Variants in AIG1 observed in about 807,000 individuals in gnomAD.
AIG1 encodes the protein androgen-induced gene 1 protein.
In AIG1, 23 loss-of-function variants were observed where a neutral mutation model predicts 31.4. The ratio of observed to expected loss-of-function variants is 0.73; its 90% CI spans 0.53 to 1.04. The LOEUF (loss-of-function observed/expected upper bound fraction) is 1.04, where lower values mean the gene tolerates loss of function less well. Among genes scored for constraint, AIG1 ranks in the 50% least tolerant of loss-of-function variants. AIG1 has a pLI of 0.00. For missense variants in AIG1, 274 were observed against 295.0 expected, an observed-to-expected ratio of 0.93 and a Z score of 0.52; for synonymous variants, 100 against 110.5, an observed-to-expected ratio of 0.90 and a Z score of 0.60.
At chr6:143,148,065 T>A (rs1470928860) in intron 2 of AIG1, among the ~76,000 whole-genome samples, 1 of 152,210 alleles carries the variant, frequency 6.6e-6, no homozygotes, top group African/African-American at 2.4e-5. Flanking sequence ...AAGTAAATGA[T>A]GCTGGTAAAT....
chr6:143,060,826 C>G (rs1236092117), upstream of AIG1: 1 of 457,756 alleles, frequency 2.2e-6, no homozygotes, highest in Non-Finnish European at 2.8e-6. Flanking sequence ...CCCGCGCCCG[C>G]GCCCGCGCCC....
Position 143,333,580 on chromosome 6 carries a change from TA to T in AIG1, c.679+139del. On this transcript the variant is annotated intron_variant, in intron 5 of 5. Coordinates refer to ENST00000357847, the MANE Select transcript of AIG1 (RefSeq NM_016108.4). This position sits in a 1 kb window ranked among gnomAD's most constrained non-coding sequence, Gnocchi z 4.6. ...GATCTCCTATAAAGAGCTCCATTTT[TA>T]AAACTACAATATGAATTTAAGAGCT... 2.4e-6 allele frequency: 2 copies of T among 831,018 alleles called. No homozygotes were observed. Among genetic ancestry groups the T allele is most frequent in the Non-Finnish European group, 3.4e-6 (2 of 583,324 alleles). The allele number at this position is 831,018 out of a possible 1,614,324, so 51.5% of individuals were successfully genotyped here.
chr6:143,204,087 T>C (rs1165985585), intron 3 of AIG1, among the ~76,000 whole-genome samples: 2 of 152,138 alleles, frequency 1.3e-5, no homozygotes, highest in African/African-American at 4.8e-5. Flanking sequence ...AGTTTAAAAA[T>C]GCAAAACTAA....
At chr6:143,224,657 C>T (rs762356861) in intron 3 of AIG1, among the ~76,000 whole-genome samples, 3 of 152,164 alleles carry the variant, frequency 2.0e-5, no homozygotes, top group Non-Finnish European at 4.4e-5. Flanking sequence ...TGTGTTCATT[C>T]TACGTGTTTA....
chr6:143,119,404 A>G (rs948040842), intron 1 of AIG1, among the ~76,000 whole-genome samples: 1 of 152,212 alleles, frequency 6.6e-6, no homozygotes, highest in African/African-American at 2.4e-5. Flanking sequence ...GGTAGGGGGA[A>G]TAAAGTCCAC....
intron 3 of AIG1, among the ~76,000 whole-genome samples, chr6:143,261,347 G>A (rs1795768278): frequency 1.3e-5 from 2 of 152,118 alleles, no homozygotes; most frequent in Non-Finnish European, 2.9e-5. Context: ...GACCAAGCTG[G>A]TCTCGAACTC....
intron 3 of AIG1, among the ~76,000 whole-genome samples, chr6:143,239,959 A>G (rs527970059): frequency 5.9e-5 from 9 of 152,384 alleles, no homozygotes; most frequent in African/African-American, 1.4e-4. Flanking sequence ...TGTATTTAAC[A>G]CTAGAGGTTC....
chr6:143,194,326 T>C (rs1790045157), intron 3 of AIG1, among the ~76,000 whole-genome samples: 1 of 152,150 alleles, frequency 6.6e-6, no homozygotes, highest in Admixed American at 6.5e-5. Flanking sequence ...ACTCACTCAC[T>C]ATCACGAGAA....
intron 1 of AIG1, among the ~76,000 whole-genome samples, chr6:143,100,252 A>T (rs1780133739): frequency 6.6e-6 from 1 of 152,202 alleles, no homozygotes; most frequent in Non-Finnish European, 1.5e-5. Context: ...CGTAAGATTT[A>T]CATGAAGAGG....
rs35498304 is a variant in AIG1 at position 143,331,846 on chromosome 6, T to TTTATTA, written c.516-1400_516-1395dup. Among the ~76,000 whole-genome samples, 15,099 of 137,510 alleles carry TTTATTA rather than the reference T, an allele frequency of 0.11. 1,030 individuals carry two copies. Among genetic ancestry groups the TTTATTA allele is most frequent in the East Asian group, 0.22 (1,023 of 4,596 alleles). 90.2% of individuals were successfully genotyped at this position (137,510 alleles called of 152,430 possible). ...AAATGAGGTACATGTGTAGGTAATG[T>TTTATTA]TTATTATTATTATTATTATTATTAT... On this transcript the variant is annotated intron_variant, in intron 4 of 5. Coordinates refer to ENST00000357847, the MANE Select transcript of AIG1 (RefSeq NM_016108.4). The surrounding 1 kb of genome is among the most constrained non-coding windows in gnomAD (Gnocchi z 4.1).
At chr6:143,343,556 C>T (rs1777899067), downstream of AIG1, among the ~76,000 whole-genome samples, 1 of 151,886 alleles carries the variant, frequency 6.6e-6, no homozygotes, top group South Asian at 2.1e-4. Flanking sequence ...GTGAAAATGA[C>T]ATAGTTGTGA....
At chr6:143,073,795 A>G (rs1209020352) in intron 1 of AIG1, among the ~76,000 whole-genome samples, 1 of 152,234 alleles carries the variant, frequency 6.6e-6, no homozygotes, top group African/African-American at 2.4e-5. Context: ...GAGTGAGAGA[A>G]TTAAGTGCTA....
chr6:143,108,060 A>T (rs1245353887), intron 1 of AIG1, among the ~76,000 whole-genome samples: 2 of 151,906 alleles, frequency 1.3e-5, no homozygotes, highest in Non-Finnish European at 2.9e-5. Flanking sequence ...CAAAGCTTTG[A>T]TGCCAGATTG....
chr6:143,314,265 C>T (rs1348151394), intron 4 of AIG1, among the ~76,000 whole-genome samples: 1 of 149,068 alleles, frequency 6.7e-6, no homozygotes, highest in African/African-American at 2.5e-5. Flanking sequence ...ACTCAGGAGA[C>T]TGAGGCAGGA....
intron 5 of AIG1, chr6:143,335,147 G>A (rs1435063041): frequency 2.9e-6 from 4 of 1,377,226 alleles, no homozygotes; most frequent in Non-Finnish European, 3.8e-6. Flanking sequence ...TTACAAGAGG[G>A]GTCACAAACT....
In AIG1 at chr6:143,326,684, G is replaced by A. The variant is rs571246433; in HGVS notation, c.516-6598G>A. Among the ~76,000 whole-genome samples, 36 of 152,244 alleles carry A rather than the reference G, an allele frequency of 2.4e-4. No homozygotes were observed. In the Middle Eastern group the frequency reaches 0.014, roughly 58 times the overall value. ...CTGATGGATCAGGGGAGACTTTCCC[G>A]GAGTAAGTGATAATTGATCAGTTGT... is the stretch of plus-strand genomic sequence containing the variant. On this transcript the variant is annotated intron_variant, in intron 4 of 5. Transcript: ENST00000357847. The surrounding 1 kb of genome is among the most constrained non-coding windows in gnomAD (Gnocchi z 4.5).
chr6:143,135,632 A>G (rs1783661835), intron 1 of AIG1, among the ~76,000 whole-genome samples: 2 of 152,136 alleles, frequency 1.3e-5, no homozygotes, highest in Non-Finnish European at 2.9e-5. Flanking sequence ...TAATAGTAAG[A>G]TTTGATGAAC....
chr6:143,205,013 G>A (rs1285486857), intron 3 of AIG1, among the ~76,000 whole-genome samples: 1 of 152,160 alleles, frequency 6.6e-6, no homozygotes, highest in East Asian at 1.9e-4. Context: ...TACCAGACAT[G>A]TCTTCCACAG....
intron 1 of AIG1, chr6:143,094,173 C>T (rs1173355266): frequency 6.6e-6 from 1 of 151,578 alleles, no homozygotes; most frequent in Non-Finnish European, 1.5e-5. Flanking sequence ...TGATTGATGT[C>T]CCCCCATATC....
Sources: allele counts gnomAD v4.1 joint callset (sites outside exome capture counted in the v4.1 genomes callset), GRCh38; gene constraint gnomAD v4.1.1; non-coding constraint Gnocchi (gnomAD v3.1); transcripts MANE v1.5; gene names NCBI Gene and HGNC (gene_info 2026-07-23, HGNC 2026-07-21).